The following KIF13B variants were observed in gnomAD, a reference collection of about 807,000 sequenced individuals.
The protein encoded by KIF13B is kinesin family member 13B.
KIF13B carries 127 observed loss-of-function variants against 222.0 expected under a neutral mutation model. That is an observed-to-expected ratio of 0.57 (90% CI 0.50 to 0.66). The LOEUF is 0.66. Ranked by LOEUF, KIF13B falls within the 30% of genes least tolerant of loss-of-function variation. The probability of loss-of-function intolerance (pLI) is 0.00; values close to 1 mark genes in which losing one functional copy is unlikely to be tolerated. For synonymous variants in KIF13B, 976 were observed against 919.0 expected (o/e 1.06, Z -1.12); for missense variants, 2,173 against 2,379.0 (o/e 0.91, Z 1.80).
intron 2 of KIF13B, among the ~76,000 whole-genome samples, chr8:29,223,097 C>T (rs1292224800): frequency 6.7e-6 from 1 of 150,202 alleles, no homozygotes; most frequent in East Asian, 1.9e-4. Context: ...GCACAAGGAT[C>T]GCTTGAGCTC....
intron 37 of KIF13B, among the ~76,000 whole-genome samples, chr8:29,079,734 C>A (rs1473770910): frequency 1.3e-5 from 2 of 152,318 alleles, no homozygotes; most frequent in South Asian, 4.1e-4. Flanking sequence ...TCATGGCTAA[C>A]AATCACCCCT....
chr8:29,165,848 A>G lies in KIF13B; in HGVS notation c.1159-76T>C, dbSNP rs1229380635. Reference sequence around the variant, plus strand: ...AAGAAGTGGCCAACTCTAAAAGGACAAAAGTAACAATCTGCCTCCTCATGG... The same window carrying G: ...AAGAAGTGGCCAACTCTAAAAGGACGAAAGTAACAATCTGCCTCCTCATGG... On this transcript the variant is annotated intron_variant, in intron 11 of 39. Transcript: ENST00000524189. 6.1e-6 allele frequency: 6 copies of G among 980,906 alleles called. No homozygotes were observed. The Admixed American group carries it at 9.7e-5, about 16-fold the overall frequency. The allele number at this position is 980,906 out of a possible 1,614,324, so 60.8% of individuals were successfully genotyped here.
At position 29,149,949 on chromosome 8, in the gene KIF13B, C is replaced by T. The variant is rs575586932; in HGVS notation, c.1622+348G>A. ...GATAAGGAAACTAAAACCACGACTA[C>T]GTTTCCGTAAAAAAATAAATAAAAA... On this transcript the variant is annotated intron_variant, in intron 15 of 39. Coordinates refer to ENST00000524189, the MANE Select transcript of KIF13B (RefSeq NM_015254.4). Among the ~76,000 whole-genome samples the T allele has an allele frequency of 5.9e-5, 9 of 152,046 alleles. 1 individual carries two copies. In the South Asian group the frequency reaches 1.5e-3, roughly 25 times the overall value.
At chr8:29,204,153 AAAC>A (rs1420062058) in intron 2 of KIF13B, among the ~76,000 whole-genome samples, 4 of 152,204 alleles carry the variant, frequency 2.6e-5, no homozygotes, top group Non-Finnish European at 5.9e-5. Context: ...CCACCCACAC[AAAC>A]AACAACTGGT....
At chr8:29,238,254 C>G (rs937320666) in intron 2 of KIF13B, among the ~76,000 whole-genome samples, 7 of 152,222 alleles carry the variant, frequency 4.6e-5, no homozygotes, top group Admixed American at 4.6e-4. Flanking sequence ...CTGAAAATGA[C>G]TTCATGTATG....
intron 2 of KIF13B, among the ~76,000 whole-genome samples, chr8:29,201,039 T>C (rs929730023): frequency 6.6e-6 from 1 of 152,238 alleles, no homozygotes; most frequent in Non-Finnish European, 1.5e-5. Flanking sequence ...ATAAGAATCA[T>C]GTGGGGGATA....
At chr8:29,148,467 G>A (rs145848165) in intron 16 of KIF13B, 110 bp downstream of exon 16, 42 of 621,330 alleles carry the variant, frequency 6.8e-5, no homozygotes, top group African/African-American at 3.8e-4. Flanking sequence ...GGTTATTCAC[G>A]GGCACAGTCT....
At chr8:29,141,667 C>T (rs1015782414) in intron 19 of KIF13B, among the ~76,000 whole-genome samples, 1 of 152,124 alleles carries the variant, frequency 6.6e-6, no homozygotes, top group Non-Finnish European at 1.5e-5. Flanking sequence ...GGACAGAGTA[C>T]CAATGTATAG....
At chr8:29,211,148 C>A (rs993178343) in intron 2 of KIF13B, among the ~76,000 whole-genome samples, 1 of 152,226 alleles carries the variant, frequency 6.6e-6, no homozygotes, top group Non-Finnish European at 1.5e-5. Context: ...ACCTTCCTCT[C>A]GTCTGCACGA....
chr8:29,148,838 G>A (rs1811178070), intron 15 of KIF13B, 71 bp from the exon 16 acceptor site: 8 of 1,296,406 alleles, frequency 6.2e-6, no homozygotes, highest in Non-Finnish European at 7.4e-6. Context: ...ATTAAGTACT[G>A]GTATCTGTTA....
chr8:29,204,259 A>G (rs530043642), intron 2 of KIF13B, among the ~76,000 whole-genome samples: 3 of 152,252 alleles, frequency 2.0e-5, no homozygotes, highest in Non-Finnish European at 4.4e-5. Context: ...AGACTCTGAT[A>G]TATAAATTCC....
intron 2 of KIF13B, among the ~76,000 whole-genome samples, chr8:29,239,733 GCTAACTGCAACCTC>G (rs1815678110): frequency 6.6e-6 from 1 of 152,166 alleles, no homozygotes; most frequent in Admixed American, 6.5e-5. Flanking sequence ...CACGATCTTG[GCTAACTGCAACCTC>G]CGCCTTCCAG....
chr8:29,157,822 C>T (rs1394207867), intron 13 of KIF13B, among the ~76,000 whole-genome samples: 1 of 148,676 alleles, frequency 6.7e-6, no homozygotes, highest in Admixed American at 6.7e-5. Flanking sequence ...CAGAACAAGA[C>T]CCTGCCTCAA....
intron 26 of KIF13B, 129 bp from the exon 27 acceptor site, chr8:29,124,252 C>G (rs1810008156): frequency 1.7e-6 from 1 of 577,584 alleles, no homozygotes; most frequent in African/African-American, 1.9e-5. Context: ...TTCTTTATTG[C>G]TACCACCAGT....
rs1476376783 is a variant in KIF13B, at chr8:29,071,002, C to T, written c.5219-236G>A. 6.6e-6 allele frequency among the ~76,000 whole-genome samples: 1 copy of T among 152,162 alleles called. No individual in the cohort carries two copies. Among genetic ancestry groups the T allele is most frequent in the African/African-American group, 2.4e-5 (1 of 41,444 alleles). Reference sequence around the variant, plus strand: ...GCAGTGGTGACCAAGGATGCACAGCCCCAGTCCTGCAGCCTCAGGTAGGAG... The same window carrying T: ...GCAGTGGTGACCAAGGATGCACAGCTCCAGTCCTGCAGCCTCAGGTAGGAG... On this transcript the variant is annotated intron_variant, in intron 39 of 39. Coordinates refer to ENST00000524189, the MANE Select transcript of KIF13B (RefSeq NM_015254.4). The surrounding 1 kb of genome is among the most constrained non-coding windows in gnomAD (Gnocchi z 4.9).
chr8:29,075,685 G>A (rs185847857), intron 37 of KIF13B, among the ~76,000 whole-genome samples: 484 of 152,330 alleles, frequency 3.2e-3, no homozygotes, highest in Non-Finnish European at 5.6e-3. Context: ...AAAGACTTCC[G>A]GCAGGAGGTG....
Position 29,115,109 on chromosome 8 carries a change from G to A in KIF13B, c.3838-1554C>T, listed in dbSNP as rs1324104438. Among the ~76,000 whole-genome samples, 3 of 152,244 alleles carry A rather than the reference G, an allele frequency of 2.0e-5. No homozygotes were observed. In the East Asian group the frequency reaches 5.8e-4, roughly 29 times the overall value. On this transcript the variant is annotated intron_variant, in intron 31 of 39. Transcript: ENST00000524189. Reference sequence around the variant, plus strand: ...CTTCATTTCAAAGATTGATATCAGTGTGACATTTAGAACTAAAGATTAATT... The same window carrying A: ...CTTCATTTCAAAGATTGATATCAGTATGACATTTAGAACTAAAGATTAATT...
chr8:29,259,830 A>C (rs1305477963), intron 1 of KIF13B, among the ~76,000 whole-genome samples: 3 of 152,232 alleles, frequency 2.0e-5, no homozygotes, highest in African/African-American at 7.2e-5. Context: ...TGCAAATAGA[A>C]CTTGAAGATC....
At chr8:29,142,010 C>T (rs111481041) in intron 19 of KIF13B, 147 bp downstream of exon 19, 1 of 538,824 alleles carries the variant, frequency 1.9e-6, no homozygotes, top group Non-Finnish European at 3.2e-6. Context: ...ATTTGCTAAA[C>T]AATTTAGGGG....
Sources: gnomAD v4.1 joint callset for allele counts (sites outside exome capture counted in the v4.1 genomes callset) on GRCh38, gnomAD v4.1.1 for gene constraint, Gnocchi (gnomAD v3.1) non-coding constraint, MANE v1.5 for transcripts, NCBI Gene and HGNC (gene_info 2026-07-23, HGNC 2026-07-21) for gene names.